Variants in FBF1 observed in about 807,000 individuals in gnomAD.
The protein encoded by FBF1 is fas-binding factor 1.
FBF1 carries 119 observed loss-of-function variants against 147.2 expected under a neutral mutation model. The observed-to-expected ratio is 0.81, with a 90% CI of 0.70 to 0.94. The LOEUF (loss-of-function observed/expected upper bound fraction) is 0.94. Ranked by LOEUF, FBF1 falls within the 40% of genes least tolerant of loss-of-function variation. FBF1 has a pLI of 0.00. For missense variants in FBF1, 1,449 were observed against 1,500.8 expected (o/e 0.97, Z 0.57); for synonymous variants, 601 against 609.0 (o/e 0.99, Z 0.19).
At position 75,920,032 on chromosome 17, in the gene FBF1, G is replaced by C. The variant is rs1355020010; in HGVS notation, c.1906C>G (p.Leu636Val). 6.2e-7 allele frequency: 1 copy of C among 1,604,022 alleles called. No homozygotes were observed. Among genetic ancestry groups the C allele is most frequent in the Non-Finnish European group, 8.5e-7 (1 of 1,175,654 alleles). Residue 636 changes from leucine (L) to valine (V), a missense_variant, in exon 19 of 30, where the codon CTG (leucine) becomes GTG (valine). Leu to Val is a conservative substitution (Grantham distance 32, BLOSUM62 1). Coordinates refer to ENST00000636174, the MANE Select transcript of FBF1 (RefSeq NM_001319193.2). Reference protein sequence around the residue: ...GSLQQQHQADLELIESAHRSR... With the variant: ...GSLQQQHQADVELIESAHRSR... ...CTGTGTGCACTCTCGATGAGCTCCAGGTCTGCCTGGTGCTGCTGCTGCAGA... is the reference window on the plus strand; with the variant it reads ...CTGTGTGCACTCTCGATGAGCTCCACGTCTGCCTGGTGCTGCTGCTGCAGA...
intron 2 of FBF1, 163 bp downstream of exon 2, chr17:75,937,984 C>T (rs909567984): frequency 7.4e-6 from 8 of 1,075,886 alleles, no homozygotes; most frequent in East Asian, 2.6e-5. Flanking sequence ...CCTTGGTCGT[C>T]GAAAGTTTGG....
At position 75,919,329 on chromosome 17, in the gene FBF1, G is replaced by A. The variant is rs999588286; in HGVS notation, c.2138+339C>T. ...AAACATGGCAGGCACAACAGCGCAA[G>A]CCTTTCCCAGGTGGATCTTGTTTCT... On this transcript the variant is annotated intron_variant, in intron 20 of 29. Coordinates refer to ENST00000636174, the MANE Select transcript of FBF1 (RefSeq NM_001319193.2). The surrounding 1 kb of genome is among the most constrained non-coding windows in gnomAD (Gnocchi z 5.0). 3.3e-5 allele frequency among the ~76,000 whole-genome samples: 5 copies of A among 152,240 alleles called. No homozygotes were observed. The highest frequency in any genetic ancestry group is 1.2e-4 in the African/African-American group (5 of 41,456).
chr17:75,932,871 T>G, intron 5 of FBF1, 124 bp downstream of exon 5: 1 of 596,876 alleles, frequency 1.7e-6, no homozygotes. Flanking sequence ...CGGCAACAAA[T>G]ATTCTCTAAA....
intron 7 of FBF1, 53 bp downstream of exon 7, chr17:75,929,944 G>GTGGGC: frequency 8.7e-6 from 6 of 685,838 alleles, no homozygotes; most frequent in East Asian, 2.7e-5. Context: ...AAAATATCAT[G>GTGGGC]ACCCCACCCC....
Position 75,909,682 on chromosome 17 carries a change from C to G in FBF1, c.*1041G>C, listed in dbSNP as rs549278639. The stretch of plus-strand genomic sequence containing the variant: ...CTGTGGTCCAGCTGCCAGGTGCCAC[C>G]GCAGACCGCAGGTGCTGGAGGGGAG... On this transcript the variant is annotated 3_prime_UTR_variant, in exon 30 of 30. Transcript: ENST00000636174. 7.0e-6 allele frequency: 4 copies of G among 571,390 alleles called. No homozygotes were observed. Among genetic ancestry groups the G allele is most frequent in the Non-Finnish European group, 1.2e-5 (4 of 320,176 alleles). The allele number at this position is 571,390 out of a possible 1,614,324, so 35.4% of individuals were successfully genotyped here.
chr17:75,909,875 G>T lies in FBF1; in HGVS notation c.*848C>A. 1 of 699,084 alleles carries T rather than the reference G, an allele frequency of 1.4e-6. No individual in the cohort carries two copies. Among genetic ancestry groups the T allele is most frequent in the Non-Finnish European group, 2.6e-6 (1 of 382,556 alleles). The allele number at this position is 699,084 out of a possible 1,614,324, so 43.3% of individuals were successfully genotyped here. A position where few individuals can be genotyped will look rare whatever the true frequency, so the allele number is the denominator to read the frequency against. Reference sequence around the variant, plus strand: ...GGCAAAAGCAGTTTTTTTAAGCTTAGTCAAGTTGAAGCAGCGGGAGTGGAG... The same window carrying T: ...GGCAAAAGCAGTTTTTTTAAGCTTATTCAAGTTGAAGCAGCGGGAGTGGAG... On this transcript the variant is annotated 3_prime_UTR_variant, in exon 30 of 30. Transcript: ENST00000636174.
chr17:75,938,323 G>A, intron 1 of FBF1, 91 bp from the exon 2 acceptor site: 2 of 872,172 alleles, frequency 2.3e-6, no homozygotes, highest in Admixed American at 2.3e-5. Context: ...CACTTTCAGA[G>A]GCCAAGGCGG....
In FBF1 at chr17:75,918,300, C is replaced by G. The variant is rs1307695656; in HGVS notation, c.2139-31G>C. ...GGGAGGCGGGAGGGGAAGGCGGTCA[C>G]TCTGAGCTGGATCACCCTGATGCGG... On this transcript the variant is annotated intron_variant, in intron 20 of 29. Transcript: ENST00000636174. The surrounding 1 kb of genome is among the most constrained non-coding windows in gnomAD (Gnocchi z 5.8). 6.3e-6 allele frequency: 10 copies of G among 1,584,750 alleles called. No individual in the cohort carries two copies. The highest frequency in any genetic ancestry group is 1.7e-5 in the Admixed American group (1 of 58,462).
rs1470383601 is a variant in FBF1 at position 75,926,162 on chromosome 17, C to T, written c.736G>A (p.Glu246Lys). The change falls in exon 12 of 30, where the codon GAA (glutamate) becomes AAA (lysine). Residue 246 changes from glutamate (E) to lysine (K), a missense_variant and splice_region_variant. Glu to Lys is a moderately conservative substitution (Grantham distance 56). Transcript: ENST00000636174. ...KAEKRQIGDQ[E>K]GPRPARSTLD... ...GTGGAGCGAGCAGGGCGAGGCCCTTCCCTGCAGGACGGGACACACGGCAGG... is the reference window on the plus strand; with the variant it reads ...GTGGAGCGAGCAGGGCGAGGCCCTTTCCTGCAGGACGGGACACACGGCAGG... 5.6e-6 allele frequency: 9 copies of T among 1,607,744 alleles called. No homozygotes were observed. The highest frequency in any genetic ancestry group is 7.6e-6 in the Non-Finnish European group (9 of 1,177,786).
At chr17:75,913,878 G>T in intron 27 of FBF1, 35 bp downstream of exon 27, 1 of 1,552,604 alleles carries the variant, frequency 6.4e-7, no homozygotes, top group Non-Finnish European at 8.7e-7. Context: ...TGGGGGTGCC[G>T]GGGGCAGGGG....
chr17:75,923,036 T>C lies in FBF1; in HGVS notation c.1424+150A>G. 2 of 768,882 alleles carry C rather than the reference T, an allele frequency of 2.6e-6. No individual in the cohort carries two copies. The allele number at this position is 768,882 out of a possible 1,614,324, so 47.6% of individuals were successfully genotyped here. The stretch of plus-strand genomic sequence containing the variant: ...TCTCTGCAGTGCCTAAAAGGCAGAG[T>C]AGCAAAGCCAAGAAGCGGCCTCTGT... On this transcript the variant is annotated intron_variant, in intron 14 of 29. Transcript: ENST00000636174. The surrounding 1 kb of genome is among the most constrained non-coding windows in gnomAD (Gnocchi z 4.1).
intron 17 of FBF1, 33 bp downstream of exon 17, chr17:75,921,211 C>T (rs1200225127): frequency 6.4e-7 from 1 of 1,562,200 alleles, no homozygotes; most frequent in Non-Finnish European, 8.7e-7. Flanking sequence ...GCTCCCTAGG[C>T]CCTGAGCTAG....
chr17:75,939,292 C>G (rs2065644855), intron 1 of FBF1, among the ~76,000 whole-genome samples: 1 of 107,734 alleles, frequency 9.3e-6, no homozygotes, highest in African/African-American at 5.0e-5. Flanking sequence ...GAGACTCTGT[C>G]TCCAAAAAAA....
intron 8 of FBF1, among the ~76,000 whole-genome samples, 152 bp downstream of exon 8, chr17:75,927,924 C>A (rs1047258799): frequency 6.6e-6 from 1 of 152,290 alleles, no homozygotes; most frequent in Non-Finnish European, 1.5e-5. Flanking sequence ...CAAACACACA[C>A]ACGCACAAAT....
rs1171990701 is a variant in FBF1, at chr17:75,925,852, G to A, written c.868+178C>T. The stretch of plus-strand genomic sequence containing the variant: ...ATCTCAATCATAGACAACTGAGCAC[G>A]AACAGTGGTCACGGTAAGTATTATT... On this transcript the variant is annotated intron_variant, in intron 12 of 29. Coordinates refer to ENST00000636174, the MANE Select transcript of FBF1 (RefSeq NM_001319193.2). The surrounding 1 kb of genome is among the most constrained non-coding windows in gnomAD (Gnocchi z 5.0). 6.6e-6 allele frequency among the ~76,000 whole-genome samples: 1 copy of A among 152,208 alleles called. No homozygotes were observed. The highest frequency in any genetic ancestry group is 1.5e-5 in the Non-Finnish European group (1 of 68,030).
Position 75,914,032 on chromosome 17 carries a change from C to A in FBF1, c.3010G>T (p.Glu1004Ter), listed in dbSNP as rs377618256. The A allele has an allele frequency of 2.5e-6, 4 of 1,588,354 alleles. No individual in the cohort carries two copies. In the African/African-American group the frequency reaches 4.0e-5, roughly 16 times the overall value. ...SMSKVASEKYEEGERALREAQ... is the reference protein window; with the variant it reads ...SMSKVASEKY ...TCGCGCAATGCCCGCTCCCCCTCCT[C>A]GTACTTCTCGGAGGCCACCTGCAGG... The change falls in exon 27 of 30, where the codon GAG becomes TAG. Residue 1004 changes from glutamate (E) to a stop codon, truncating the protein, a stop_gained. Coordinates refer to ENST00000636174, the MANE Select transcript of FBF1 (RefSeq NM_001319193.2). LOFTEE classifies it high-confidence loss of function.
chr17:75,929,987 G>T lies in FBF1; in HGVS notation c.279+10C>A. 1 of 1,245,344 alleles carries T rather than the reference G, an allele frequency of 8.0e-7. No individual in the cohort carries two copies. Among genetic ancestry groups the T allele is most frequent in the Non-Finnish European group, 1.1e-6 (1 of 945,042 alleles). 77.1% of individuals were successfully genotyped at this position (1,245,344 alleles called of 1,614,324 possible). A position where few individuals can be genotyped will look rare whatever the true frequency, so the allele number is the denominator to read the frequency against. Reference sequence around the variant, plus strand: ...CCCAGTTCTAAGAATCGTGCAAGCTGTTTCCTTACCTTCATGGCCTGGAGC... The same window carrying T: ...CCCAGTTCTAAGAATCGTGCAAGCTTTTTCCTTACCTTCATGGCCTGGAGC... On this transcript the variant is annotated intron_variant, in intron 7 of 29. Coordinates refer to ENST00000636174, the MANE Select transcript of FBF1 (RefSeq NM_001319193.2).
intron 23 of FBF1, among the ~76,000 whole-genome samples, chr17:75,915,433 C>G (rs1470960501): frequency 6.6e-6 from 1 of 152,192 alleles, no homozygotes; most frequent in African/African-American, 2.4e-5. Flanking sequence ...GCCGCTGAAT[C>G]GCCAGCTACG....
chr17:75,914,577 G>C (rs1345994054), intron 25 of FBF1, 170 bp downstream of exon 25: 1 of 829,382 alleles, frequency 1.2e-6, no homozygotes, highest in African/African-American at 1.7e-5. Context: ...AATGCACCTG[G>C]GACAATACGA....
Sources: gnomAD v4.1 joint callset for allele counts (sites outside exome capture counted in the v4.1 genomes callset) on GRCh38, gnomAD v4.1.1 for gene constraint, Gnocchi (gnomAD v3.1) non-coding constraint, MANE v1.5 for transcripts, NCBI Gene and HGNC (gene_info 2026-07-23, HGNC 2026-07-21) for gene names.